Variants in SEMA6D observed in about 807,000 individuals in gnomAD.
SEMA6D encodes semaphorin-6D.
In SEMA6D, 35 loss-of-function variants were observed where a neutral mutation model predicts 106.6. The ratio of observed to expected loss-of-function variants is 0.33; its 90% CI spans 0.25 to 0.44. SEMA6D has a LOEUF of 0.44. Among genes scored for constraint, SEMA6D ranks in the 20% least tolerant of loss-of-function variants. SEMA6D has a pLI of 1.00. For missense variants in SEMA6D, 1,185 were observed against 1,345.9 expected, an observed-to-expected ratio of 0.88 and a Z score of 1.87; for synonymous variants, 499 against 487.7, an observed-to-expected ratio of 1.02 and a Z score of -0.31.
intron 3 of SEMA6D, among the ~76,000 whole-genome samples, chr15:47,539,960 C>A (rs1258762982): frequency 6.6e-6 from 1 of 152,062 alleles, no homozygotes; most frequent in Admixed American, 6.6e-5. Context: ...TCACAAAATG[C>A]ATTAGAATGC....
intron 1 of SEMA6D, among the ~76,000 whole-genome samples, chr15:47,303,468 C>T (rs1566984378): frequency 6.6e-6 from 1 of 152,148 alleles, no homozygotes; most frequent in African/African-American, 2.4e-5. Flanking sequence ...AGTGGGGCTC[C>T]TCCTCATCAA....
At chr15:47,493,175 G>C (rs1243167227) in intron 3 of SEMA6D, among the ~76,000 whole-genome samples, 3 of 152,120 alleles carry the variant, frequency 2.0e-5, no homozygotes, top group African/African-American at 4.8e-5. Context: ...CCTCATGCTT[G>C]AGATACTGTA....
At chr15:47,441,324 A>T (rs2041874675) in intron 2 of SEMA6D, among the ~76,000 whole-genome samples, 1 of 152,144 alleles carries the variant, frequency 6.6e-6, no homozygotes, top group African/African-American at 2.4e-5. Context: ...AGAGAAGTAA[A>T]TAATGCTGGG....
At chr15:47,332,345 G>T (rs2037374163) in intron 1 of SEMA6D, among the ~76,000 whole-genome samples, 1 of 152,138 alleles carries the variant, frequency 6.6e-6, no homozygotes, top group Non-Finnish European at 1.5e-5. Flanking sequence ...GCACATGTCG[G>T]CCAAGGCAGG....
At chr15:47,196,484 T>C (rs575823030) in intron 1 of SEMA6D, among the ~76,000 whole-genome samples, 1 of 152,306 alleles carries the variant, frequency 6.6e-6, no homozygotes, top group Non-Finnish European at 1.5e-5. Flanking sequence ...ACAGCCCCCC[T>C]AAAATATGGG....
Position 47,395,978 on chromosome 15 carries a change from G to C in SEMA6D, c.-238-16415G>C, listed in dbSNP as rs58052958. 5.7e-3 allele frequency among the ~76,000 whole-genome samples: 865 copies of C among 152,240 alleles called. 11 individuals carry two copies. The highest frequency in any genetic ancestry group is 0.02 in the African/African-American group (829 of 41,542). On this transcript the variant is annotated intron_variant, in intron 1 of 19. Coordinates refer to the SEMA6D transcript ENST00000558014. Reference sequence around the variant, plus strand: ...GGCCTTTGAGAGGTAATAAGAATCAGATGATGTCTTGAGGGTGGAGCTTCA... The same window carrying C: ...GGCCTTTGAGAGGTAATAAGAATCACATGATGTCTTGAGGGTGGAGCTTCA...
At chr15:47,578,363 CTGGTCTTT>C (rs2076193354) in intron 3 of SEMA6D, among the ~76,000 whole-genome samples, 1 of 152,202 alleles carries the variant, frequency 6.6e-6, no homozygotes, top group Non-Finnish European at 1.5e-5. Flanking sequence ...TATTTAGTGT[CTGGTCTTT>C]TGAGGACTAC....
chr15:47,637,242 G>A (rs974735905), intron 4 of SEMA6D, among the ~76,000 whole-genome samples: 15 of 152,164 alleles, frequency 9.9e-5, no homozygotes, highest in African/African-American at 3.6e-4. Flanking sequence ...ACTCCAAGAA[G>A]CTAATAAAAT....
chr15:47,188,734 G>C (rs1454212925), intron 1 of SEMA6D, among the ~76,000 whole-genome samples: 2 of 152,176 alleles, frequency 1.3e-5, no homozygotes, highest in East Asian at 3.8e-4. Context: ...GAAGAAGGCA[G>C]ATCATCAAAG....
At chr15:47,691,186 T>C (rs1912639) in intron 4 of SEMA6D, among the ~76,000 whole-genome samples, 55,783 of 152,044 alleles carry the variant, frequency 0.37, 11,385 homozygotes, top group Middle Eastern at 0.49. Context: ...GAGTCTTCCA[T>C]GTTGCTCCTC....
chr15:47,274,302 C>T (rs1367383128), intron 1 of SEMA6D: 1 of 151,976 alleles, frequency 6.6e-6, no homozygotes, highest in African/African-American at 2.4e-5. Flanking sequence ...TTTTAAAAAG[C>T]CTTGAAAAGA....
chr15:47,274,391 A>G (rs1240838764), intron 1 of SEMA6D: 1 of 152,150 alleles, frequency 6.6e-6, no homozygotes, highest in East Asian at 1.9e-4. Context: ...AAGAAATGAA[A>G]TTTTGGTTCA....
intron 1 of SEMA6D, among the ~76,000 whole-genome samples, chr15:47,200,013 T>G (rs1298468158): frequency 6.6e-6 from 1 of 152,128 alleles, no homozygotes; most frequent in African/African-American, 2.4e-5. Context: ...CCAGTTGCGG[T>G]AGAACTGAGG....
rs552875478 is a variant in SEMA6D, at chr15:47,579,068, G to A, written c.-86-21797G>A. Among the ~76,000 whole-genome samples, 3 of 152,046 alleles carry A rather than the reference G, an allele frequency of 2.0e-5. 1 individual carries two copies. In the South Asian group the frequency reaches 6.3e-4, roughly 32 times the overall value. ...GTTCTCACTGTGGTGTACATATGAAGCCCCTGGGTACTTGGGCCTCACCTC... is the reference window on the plus strand; with the variant it reads ...GTTCTCACTGTGGTGTACATATGAAACCCCTGGGTACTTGGGCCTCACCTC... On this transcript the variant is annotated intron_variant, in intron 3 of 19. Transcript: ENST00000558014.
chr15:47,213,419 G>T (rs2030240350), intron 1 of SEMA6D, among the ~76,000 whole-genome samples: 1 of 152,210 alleles, frequency 6.6e-6, no homozygotes, highest in South Asian at 2.1e-4. Context: ...GTTCTAGAGT[G>T]TGCCACAACT....
At chr15:47,364,242 G>A (rs897864867) in intron 1 of SEMA6D, among the ~76,000 whole-genome samples, 6 of 152,176 alleles carry the variant, frequency 3.9e-5, no homozygotes, top group African/African-American at 9.7e-5. Context: ...AGTCCTGGTA[G>A]GAGGTTGTGG....
At position 47,354,191 on chromosome 15, in the gene SEMA6D, CTCTCTCTCTATA is replaced by C. The variant is rs1229345928; in HGVS notation, c.-238-58200_-238-58189del. Among the ~76,000 whole-genome samples the C allele has an allele frequency of 7.8e-3, 851 of 109,320 alleles. 3 individuals are homozygous for C. Among genetic ancestry groups the C allele is most frequent in the South Asian group, 0.01 (41 of 4,082 alleles). The allele number at this position is 109,320 out of a possible 152,430, so 71.7% of individuals were successfully genotyped here. The stretch of plus-strand genomic sequence containing the variant: ...AATGAGAAAGCCTCTCTCTCTCTCT[CTCTCTCTCTATA>C]TATATATATATATATATATACACAC... On this transcript the variant is annotated intron_variant, in intron 1 of 19. Transcript: ENST00000558014.
chr15:47,570,183 C>T lies in SEMA6D; in HGVS notation c.-86-30682C>T, dbSNP rs111977163. ...AAAAATTTCGAAATCTGACTCTGCC[C>T]CACCCCATTCTGACATCCTCAATCC... On this transcript the variant is annotated intron_variant, in intron 3 of 19. Transcript: ENST00000558014. Among the ~76,000 whole-genome samples the T allele has an allele frequency of 2.0e-3, 311 of 152,210 alleles. 1 individual carries two copies. The highest frequency in any genetic ancestry group is 7.3e-3 in the African/African-American group (303 of 41,534).
intron 3 of SEMA6D, among the ~76,000 whole-genome samples, chr15:47,583,060 G>T (rs1197150005): frequency 1.3e-5 from 2 of 152,134 alleles, no homozygotes; most frequent in African/African-American, 4.8e-5. Context: ...TCAGTGCTAG[G>T]AATTAATCTA....
Sources: gnomAD v4.1 joint callset for allele counts (sites outside exome capture counted in the v4.1 genomes callset) on GRCh38, gnomAD v4.1.1 for gene constraint, MANE v1.5 for transcripts, NCBI Gene and HGNC (gene_info 2026-07-23, HGNC 2026-07-21) for gene names.